The following SLC9A9 variants were observed in gnomAD, a reference collection of about 807,000 sequenced individuals.
SLC9A9 encodes solute carrier family 9 member A9, also known as sodium/hydrogen exchanger 9.
A neutral mutation model predicts 77.8 loss-of-function variants in SLC9A9; 62 were observed. The ratio of observed to expected loss-of-function variants is 0.80; its 90% CI spans 0.65 to 0.98. The LOEUF (loss-of-function observed/expected upper bound fraction) is 0.98, where lower values mean the gene tolerates loss of function less well. Among genes scored for constraint, SLC9A9 ranks in the 50% least tolerant of loss-of-function variants. The probability of loss-of-function intolerance (pLI) is 0.00; values close to 1 mark genes in which losing one functional copy is unlikely to be tolerated. For synonymous variants in SLC9A9, 320 were observed against 283.5 expected (o/e 1.13, Z -1.29); for missense variants, 775 against 774.9 (o/e 1.00, Z 0.00).
At chr3:143,268,605 C>T (rs1294680421) in intron 15 of SLC9A9, among the ~76,000 whole-genome samples, 8 of 148,776 alleles carry the variant, frequency 5.4e-5, no homozygotes, top group Admixed American at 1.3e-4. Flanking sequence ...TGGTGGCAGG[C>T]GCCTGTAGTC....
intron 12 of SLC9A9, among the ~76,000 whole-genome samples, chr3:143,422,069 A>T (rs1277046770): frequency 6.6e-6 from 1 of 152,230 alleles, no homozygotes; most frequent in East Asian, 1.9e-4. Context: ...GGCTATGATT[A>T]AAAAGACAAA....
At chr3:143,376,209 A>AATGAG (rs745970301) in intron 13 of SLC9A9, among the ~76,000 whole-genome samples, 25 of 152,202 alleles carry the variant, frequency 1.6e-4, no homozygotes, top group South Asian at 2.1e-4. Flanking sequence ...AGCCTCTTGA[A>AATGAG]ATGAGAATAT....
intron 5 of SLC9A9, among the ~76,000 whole-genome samples, chr3:143,654,164 C>A (rs890301393): frequency 6.6e-6 from 1 of 152,014 alleles, no homozygotes; most frequent in African/African-American, 2.4e-5. Flanking sequence ...CAAAAGCATG[C>A]GAGGTAATAC....
chr3:143,663,204 A>T (rs1196323117), intron 5 of SLC9A9, among the ~76,000 whole-genome samples: 1 of 152,222 alleles, frequency 6.6e-6, no homozygotes, highest in Non-Finnish European at 1.5e-5. Context: ...AAACTCCAAC[A>T]GACGTGCAGC....
At chr3:143,672,546 G>A (rs2039174652) in intron 5 of SLC9A9, among the ~76,000 whole-genome samples, 1 of 152,088 alleles carries the variant, frequency 6.6e-6, no homozygotes, top group African/African-American at 2.4e-5. Context: ...GGAGTTCCAC[G>A]ATGAATGAAA....
At chr3:143,560,561 T>A (rs902096233) in intron 8 of SLC9A9, among the ~76,000 whole-genome samples, 1 of 152,182 alleles carries the variant, frequency 6.6e-6, no homozygotes, top group African/African-American at 2.4e-5. Context: ...TCATTTTAGT[T>A]TCAGAGAGTA....
intron 5 of SLC9A9, among the ~76,000 whole-genome samples, chr3:143,677,440 A>G (rs943028333): frequency 6.6e-6 from 1 of 151,856 alleles, no homozygotes; most frequent in African/African-American, 2.4e-5. Flanking sequence ...ACAATCTATC[A>G]TCTTAAAAAT....
At chr3:143,543,730 T>C (rs6800266) in intron 9 of SLC9A9, among the ~76,000 whole-genome samples, 96,978 of 150,038 alleles carry the variant, frequency 0.65, 31,755 homozygotes, top group African/African-American at 0.78. Flanking sequence ...TTCATTCTTC[T>C]GTATGGATGT....
At chr3:143,516,887 A>C (rs1361569174) in intron 9 of SLC9A9, among the ~76,000 whole-genome samples, 1 of 152,144 alleles carries the variant, frequency 6.6e-6, no homozygotes. Flanking sequence ...GTAGTGTGTT[A>C]GAATATCTGC....
chr3:143,515,587 C>A (rs1396513829), intron 9 of SLC9A9, among the ~76,000 whole-genome samples: 1 of 151,992 alleles, frequency 6.6e-6, no homozygotes, highest in African/African-American at 2.4e-5. Flanking sequence ...CCTTTTATAC[C>A]TTGCCAAACA....
intron 12 of SLC9A9, among the ~76,000 whole-genome samples, chr3:143,432,367 A>G (rs371362974): frequency 6.6e-6 from 1 of 152,182 alleles, no homozygotes; most frequent in Non-Finnish European, 1.5e-5. Context: ...TGCCCATTCC[A>G]GTTACCTCAA....
intron 14 of SLC9A9, among the ~76,000 whole-genome samples, chr3:143,322,842 A>G (rs2031463910): frequency 1.3e-5 from 2 of 152,224 alleles, no homozygotes; most frequent in Admixed American, 1.3e-4. Flanking sequence ...CTTACAGCCA[A>G]CTGATCTTTG....
chr3:143,642,691 T>C (rs1253524835), intron 6 of SLC9A9, among the ~76,000 whole-genome samples: 1 of 152,244 alleles, frequency 6.6e-6, no homozygotes, highest in Non-Finnish European at 1.5e-5. Context: ...TGATGAATTC[T>C]GGATTTTTAA....
intron 14 of SLC9A9, among the ~76,000 whole-genome samples, chr3:143,336,951 A>G (rs895144013): frequency 1.3e-5 from 2 of 152,152 alleles, no homozygotes; most frequent in Non-Finnish European, 2.9e-5. Flanking sequence ...TATTAGCTTC[A>G]GTTATCTGGA....
At chr3:143,523,288 G>T (rs1279425776) in intron 9 of SLC9A9, among the ~76,000 whole-genome samples, 1 of 152,048 alleles carries the variant, frequency 6.6e-6, no homozygotes, top group African/African-American at 2.4e-5. Context: ...TATAAGGCAG[G>T]AAGAAATCAA....
intron 8 of SLC9A9, among the ~76,000 whole-genome samples, chr3:143,564,866 C>T (rs1272853451): frequency 6.6e-6 from 1 of 152,168 alleles, no homozygotes; most frequent in South Asian, 2.1e-4. Context: ...AAAATATCCT[C>T]TATGTAAATT....
chr3:143,828,754 C>T (rs986783087), intron 2 of SLC9A9, among the ~76,000 whole-genome samples: 1 of 152,056 alleles, frequency 6.6e-6, no homozygotes, highest in Non-Finnish European at 1.5e-5. Context: ...GTACAGAGGT[C>T]CTGAAGAAAA....
At chr3:143,679,667 T>G (rs1400353532) in intron 5 of SLC9A9, among the ~76,000 whole-genome samples, 1 of 152,156 alleles carries the variant, frequency 6.6e-6, no homozygotes, top group Non-Finnish European at 1.5e-5. Context: ...AAATGATAAC[T>G]GTAGTTTTGA....
chr3:143,283,140 T>C (rs1938275727), intron 14 of SLC9A9, among the ~76,000 whole-genome samples: 1 of 152,214 alleles, frequency 6.6e-6, no homozygotes, highest in Non-Finnish European at 1.5e-5. Context: ...GTTTGTTGAA[T>C]TGAGACTTGA....
Sources: allele counts gnomAD v4.1 joint callset (sites outside exome capture counted in the v4.1 genomes callset), GRCh38; gene constraint gnomAD v4.1.1; transcripts MANE v1.5; gene names NCBI Gene and HGNC (gene_info 2026-07-23, HGNC 2026-07-21).